ROBO2: variants seen among roughly 807,000 people sequenced by gnomAD.
ROBO2 encodes the protein roundabout guidance receptor 2.
In ROBO2, 53 loss-of-function variants were observed where a neutral mutation model predicts 160.8. The observed-to-expected ratio is 0.33, with a 90% CI of 0.26 to 0.41. ROBO2 has a LOEUF of 0.41. ROBO2 is among the 10% of genes least tolerant of loss of function. The probability of loss-of-function intolerance (pLI) is 1.00; values close to 1 mark genes in which losing one functional copy is unlikely to be tolerated. For synonymous variants in ROBO2, 664 were observed against 611.7 expected, an observed-to-expected ratio of 1.09 and a Z score of -1.26; for missense variants, 1,577 against 1,722.4, an observed-to-expected ratio of 0.92 and a Z score of 1.49.
At chr3:77,483,505 A>G (rs149192095) in intron 4 of ROBO2, among the ~76,000 whole-genome samples, 100 of 151,988 alleles carry the variant, frequency 6.6e-4, no homozygotes, top group Non-Finnish European at 1.2e-3. Context: ...AAATATTTAT[A>G]TAAGTAAAAC....
At chr3:76,331,653 T>C (rs1382352442) in intron 2 of ROBO2, among the ~76,000 whole-genome samples, 1 of 151,956 alleles carries the variant, frequency 6.6e-6, no homozygotes, top group Non-Finnish European at 1.5e-5. Context: ...AGGGAAACAT[T>C]AATATTTGTT....
At chr3:76,817,827 CTTT>C (rs78546104) in intron 2 of ROBO2, among the ~76,000 whole-genome samples, 33 of 129,442 alleles carry the variant, frequency 2.5e-4, no homozygotes, top group African/African-American at 6.0e-4. Context: ...TATTTCATTC[CTTT>C]TTTTTTTTTT....
At chr3:76,329,186 C>T (rs2073286510) in intron 2 of ROBO2, among the ~76,000 whole-genome samples, 1 of 152,078 alleles carries the variant, frequency 6.6e-6, no homozygotes, top group Non-Finnish European at 1.5e-5. Context: ...GGCGGCGCTA[C>T]TCCTGCCGCA....
chr3:76,060,867 G>A (rs552046174), intron 2 of ROBO2, among the ~76,000 whole-genome samples: 106 of 152,126 alleles, frequency 7.0e-4, no homozygotes, highest in East Asian at 5.8e-3. Flanking sequence ...CTCAAACTTC[G>A]CCATCTCATG....
chr3:76,779,186 G>A (rs1369040083), intron 2 of ROBO2, among the ~76,000 whole-genome samples: 1 of 150,898 alleles, frequency 6.6e-6, no homozygotes, highest in African/African-American at 2.4e-5. Flanking sequence ...ATTGAAGTAA[G>A]ATTTACACAT....
chr3:77,368,795 A>C (rs906864981), intron 2 of ROBO2, among the ~76,000 whole-genome samples: 1 of 152,172 alleles, frequency 6.6e-6, no homozygotes, highest in Admixed American at 6.5e-5. Flanking sequence ...TTGATCTCTA[A>C]TATGATAGAA....
At chr3:76,314,922 G>T (rs1164436571) in intron 2 of ROBO2, among the ~76,000 whole-genome samples, 1 of 151,958 alleles carries the variant, frequency 6.6e-6, no homozygotes, top group Non-Finnish European at 1.5e-5. Context: ...ATCTATTTCT[G>T]CTATTGGAAA....
At chr3:77,325,884 A>C (rs2065329628) in intron 2 of ROBO2, among the ~76,000 whole-genome samples, 2 of 152,190 alleles carry the variant, frequency 1.3e-5, no homozygotes, top group Admixed American at 6.5e-5. Context: ...AAAAGCTGGG[A>C]CGCAAATGCA....
At chr3:77,464,362 G>A (rs931989998) in intron 2 of ROBO2, among the ~76,000 whole-genome samples, 5 of 152,094 alleles carry the variant, frequency 3.3e-5, no homozygotes, top group Non-Finnish European at 4.4e-5. Context: ...ATGGTGGAGG[G>A]GATTTCGAGT....
intron 2 of ROBO2, among the ~76,000 whole-genome samples, chr3:77,014,406 G>A (rs1316396513): frequency 6.6e-6 from 1 of 152,112 alleles, no homozygotes; most frequent in Non-Finnish European, 1.5e-5. Context: ...CCCCAGCCAG[G>A]GCTATGCTTG....
At chr3:76,631,183 A>C (rs2090007983) in intron 2 of ROBO2, among the ~76,000 whole-genome samples, 1 of 152,232 alleles carries the variant, frequency 6.6e-6, no homozygotes, top group African/African-American at 2.4e-5. Context: ...AGGAAATATT[A>C]AATCTAATTT....
chr3:76,688,191 G>A (rs981117849), intron 2 of ROBO2, among the ~76,000 whole-genome samples: 3 of 151,874 alleles, frequency 2.0e-5, no homozygotes, highest in Non-Finnish European at 4.4e-5. Context: ...ATGCTGGTTG[G>A]CAAATAATCT....
chr3:76,420,669 A>G (rs746167705), intron 2 of ROBO2, among the ~76,000 whole-genome samples: 1 of 152,182 alleles, frequency 6.6e-6, no homozygotes, highest in Non-Finnish European at 1.5e-5. Context: ...TCAATATTTT[A>G]TAGTAATAAG....
intron 2 of ROBO2, among the ~76,000 whole-genome samples, chr3:76,301,807 C>T (rs750352984): frequency 4.6e-5 from 7 of 151,986 alleles, no homozygotes; most frequent in South Asian, 2.1e-4. Flanking sequence ...AAAATATAGC[C>T]GAAGGGTTGT....
At chr3:76,554,527 T>C (rs1384970176) in intron 2 of ROBO2, among the ~76,000 whole-genome samples, 2 of 152,196 alleles carry the variant, frequency 1.3e-5, no homozygotes, top group South Asian at 2.1e-4. Flanking sequence ...CCCTGCTCCA[T>C]GTCCCACTTC....
In ROBO2 at chr3:77,179,397, A is replaced by T. The variant is rs2080477593; in HGVS notation, c.388+81057A>T. 2.6e-5 allele frequency among the ~76,000 whole-genome samples: 4 copies of T among 152,000 alleles called. 1 individual carries two copies. The South Asian group carries it at 8.3e-4, about 32-fold the overall frequency. On this transcript the variant is annotated intron_variant, in intron 2 of 25. Transcript: ENST00000461745. Reference sequence around the variant, plus strand: ...ATACATTGCCATGCAAATATATTTCATTTTTTCATATAGCTCATGAATGTG... The same window carrying T: ...ATACATTGCCATGCAAATATATTTCTTTTTTTCATATAGCTCATGAATGTG...
intron 2 of ROBO2, among the ~76,000 whole-genome samples, chr3:76,816,534 A>G (rs917225109): frequency 1.6e-4 from 25 of 152,034 alleles, no homozygotes; most frequent in Non-Finnish European, 3.2e-4. Flanking sequence ...TAGTTATGAT[A>G]TTAATAACAT....
intron 2 of ROBO2, among the ~76,000 whole-genome samples, chr3:76,731,234 C>A (rs2093633296): frequency 6.6e-6 from 1 of 152,228 alleles, no homozygotes; most frequent in East Asian, 1.9e-4. Context: ...TGGATTTCTC[C>A]ATTTTAAATT....
chr3:77,347,319 C>T (rs561842708), intron 2 of ROBO2, among the ~76,000 whole-genome samples: 36 of 152,124 alleles, frequency 2.4e-4, no homozygotes, highest in Non-Finnish European at 4.0e-4. Context: ...AAATACCTCG[C>T]GTTCCAGACC....
Sources: allele counts gnomAD v4.1 joint callset (sites outside exome capture counted in the v4.1 genomes callset), GRCh38; gene constraint gnomAD v4.1.1; transcripts MANE v1.5; gene names NCBI Gene and HGNC (gene_info 2026-07-23, HGNC 2026-07-21).